Variants in EXOC4 observed in about 807,000 individuals in gnomAD.
EXOC4 encodes the protein SEC8-like 1.
EXOC4 carries 71 observed loss-of-function variants against 107.2 expected under a neutral mutation model. The observed-to-expected ratio is 0.66, with a 90% CI of 0.55 to 0.81. The LOEUF (loss-of-function observed/expected upper bound fraction) is 0.81, where lower values mean the gene tolerates loss of function less well. Ranked by LOEUF, EXOC4 falls within the 30% of genes least tolerant of loss-of-function variation. The probability of loss-of-function intolerance (pLI) is 0.00; values close to 1 mark genes in which losing one functional copy is unlikely to be tolerated. For missense variants in EXOC4, 1,108 were observed against 1,189.6 expected (o/e 0.93, Z 1.01); for synonymous variants, 456 against 441.2 (o/e 1.03, Z -0.42).
chr7:133,487,184 A>G (rs1799283955), intron 9 of EXOC4, among the ~76,000 whole-genome samples: 3 of 152,214 alleles, frequency 2.0e-5, no homozygotes, highest in African/African-American at 7.2e-5. Context: ...CAAAATAACC[A>G]TCACAAAGCC....
At chr7:133,658,088 T>C (rs930066866) in intron 10 of EXOC4, among the ~76,000 whole-genome samples, 2 of 152,078 alleles carry the variant, frequency 1.3e-5, no homozygotes, top group Non-Finnish European at 2.9e-5. Flanking sequence ...ATGTCTAAAC[T>C]GAGACCCTAG....
At chr7:133,679,100 C>T (rs2151066167) in intron 10 of EXOC4, among the ~76,000 whole-genome samples, 1 of 152,026 alleles carries the variant, frequency 6.6e-6, no homozygotes, top group South Asian at 2.1e-4. Context: ...AGGTCCTTGC[C>T]TTGGTGTGTT....
intron 9 of EXOC4, among the ~76,000 whole-genome samples, chr7:133,547,679 A>G (rs1176430736): frequency 1.3e-5 from 2 of 152,334 alleles, no homozygotes; most frequent in East Asian, 1.9e-4. Flanking sequence ...TTACATCTCA[A>G]GAAATCACTT....
At position 133,516,758 on chromosome 7, in the gene EXOC4, A is replaced by AT. The variant is rs780319592; in HGVS notation, c.1417+36634dup. Among the ~76,000 whole-genome samples the AT allele has an allele frequency of 1.2e-3, 59 of 49,032 alleles. 10 individuals are homozygous for AT. The highest frequency in any genetic ancestry group is 2.0e-3 in the Non-Finnish European group (52 of 25,538). The allele number at this position is 49,032 out of a possible 152,430, so 32.2% of individuals were successfully genotyped here. A position where few individuals can be genotyped will look rare whatever the true frequency, so the allele number is the denominator to read the frequency against. On this transcript the variant is annotated intron_variant, in intron 9 of 17. Transcript: ENST00000253861. Reference sequence around the variant, plus strand: ...TGGGAAACTGCCAAACTAGCTGCTCATTTTTTTTTTTTTTACAGAATTTAT... The same window carrying AT: ...TGGGAAACTGCCAAACTAGCTGCTCATTTTTTTTTTTTTTTACAGAATTTAT...
chr7:133,705,273 A>G (rs547263263), intron 10 of EXOC4, among the ~76,000 whole-genome samples: 69 of 152,296 alleles, frequency 4.5e-4, no homozygotes, highest in Non-Finnish European at 7.2e-4. Flanking sequence ...AGTCTAAGGC[A>G]GGAGAATCAC....
In EXOC4 at chr7:133,629,937, A is replaced by G. The variant is rs1257519121; in HGVS notation, c.1418-108A>G. 3 of 728,038 alleles carry G rather than the reference A, an allele frequency of 4.1e-6. No homozygotes were observed. In the Admixed American group the frequency reaches 6.8e-5, roughly 16 times the overall value. The allele number at this position is 728,038 out of a possible 1,614,324, so 45.1% of individuals were successfully genotyped here. A position where few individuals can be genotyped will look rare whatever the true frequency, so the allele number is the denominator to read the frequency against. On this transcript the variant is annotated intron_variant, in intron 9 of 17. Transcript: ENST00000253861. ...GTACATACCGAAGGTTACTGTTTGC[A>G]AAGATGGTCCTAATTATGACAGTAT...
chr7:133,604,831 C>A (rs1278990885), intron 9 of EXOC4, among the ~76,000 whole-genome samples: 2 of 144,674 alleles, frequency 1.4e-5, no homozygotes, highest in East Asian at 4.3e-4. Context: ...TTAAGTGTTT[C>A]TCCTGCCTCA....
At chr7:133,840,466 A>G (rs1798002572) in intron 11 of EXOC4, among the ~76,000 whole-genome samples, 3 of 149,426 alleles carry the variant, frequency 2.0e-5, no homozygotes, top group Admixed American at 2.0e-4. Flanking sequence ...GGGATAATGG[A>G]AAGTTTTATT....
intron 13 of EXOC4, among the ~76,000 whole-genome samples, chr7:133,923,570 A>G (rs1049031080): frequency 4.6e-5 from 7 of 152,106 alleles, no homozygotes; most frequent in Non-Finnish European, 8.8e-5. Flanking sequence ...CTTTTGTAAC[A>G]TATTTGTTCA....
intron 11 of EXOC4, among the ~76,000 whole-genome samples, chr7:133,874,220 T>G (rs1370502626): frequency 1.3e-5 from 2 of 152,238 alleles, no homozygotes; most frequent in African/African-American, 4.8e-5. Flanking sequence ...GTTAAAATTA[T>G]GTTTGGAGCC....
chr7:133,992,285 G>GT (rs60632686), intron 14 of EXOC4, among the ~76,000 whole-genome samples: 152,164 of 152,166 alleles, frequency 1, 76,081 homozygotes, highest in Non-Finnish European at 1. Flanking sequence ...TTTTTGTTTT[G>GT]TTTGTTTGTT....
At chr7:133,558,599 C>T (rs867209278) in intron 9 of EXOC4, among the ~76,000 whole-genome samples, 5 of 152,056 alleles carry the variant, frequency 3.3e-5, no homozygotes, top group East Asian at 1.9e-4. Flanking sequence ...AACAAATGTA[C>T]GTATTCTTCA....
intron 2 of EXOC4, among the ~76,000 whole-genome samples, chr7:133,287,124 A>G (rs1794297866): frequency 6.6e-6 from 1 of 151,940 alleles, no homozygotes; most frequent in African/African-American, 2.4e-5. Flanking sequence ...GCTAGCTTCC[A>G]CAGTTTTGTT....
chr7:133,917,703 G>A lies in EXOC4; in HGVS notation c.1992G>A (p.Leu664=). The change falls in exon 13 of 18, where the codon CTG becomes CTA. Residue 664 remains leucine (L), a synonymous_variant. Transcript: ENST00000253861. ...NWMNMAQPKQ[L]RPKREEEEDF... Reference sequence around the variant, plus strand: ...TGAATATGGCTCAACCCAAACAGCTGAGGCCAAAAAGAGAGGAGGAAGAAG... The same window carrying A: ...TGAATATGGCTCAACCCAAACAGCTAAGGCCAAAAAGAGAGGAGGAAGAAG... 6.2e-7 allele frequency: 1 copy of A among 1,613,910 alleles called. No homozygotes were observed. Among genetic ancestry groups the A allele is most frequent in the South Asian group, 1.1e-5 (1 of 91,050 alleles).
At chr7:134,066,117 T>C (rs1796172335), downstream of EXOC4, 1 of 152,108 alleles carries the variant, frequency 6.6e-6, no homozygotes, top group Non-Finnish European at 1.5e-5. Flanking sequence ...CCCTAAACGA[T>C]ATCATGAGAA....
chr7:134,082,958 A>T, the EXOC4 span, among the ~76,000 whole-genome samples: 1 of 152,222 alleles, frequency 6.6e-6, no homozygotes, highest in South Asian at 2.1e-4. Context: ...CACAGTTGCC[A>T]CACAGTTGAT....
intron 9 of EXOC4, among the ~76,000 whole-genome samples, chr7:133,526,977 A>T (rs1205024461): frequency 6.6e-6 from 1 of 152,114 alleles, no homozygotes; most frequent in Admixed American, 6.5e-5. Context: ...TCTCAAAAAC[A>T]AAAACAAAAA....
intron 2 of EXOC4, among the ~76,000 whole-genome samples, chr7:133,286,415 T>C (rs182203291): frequency 1.5e-3 from 226 of 152,348 alleles, no homozygotes; most frequent in Admixed American, 2.1e-3. Flanking sequence ...TCCTGCATAG[T>C]TTCTGTTCCC....
chr7:133,507,125 G>A (rs535979790), intron 9 of EXOC4, among the ~76,000 whole-genome samples: 1 of 152,126 alleles, frequency 6.6e-6, no homozygotes, highest in Non-Finnish European at 1.5e-5. Context: ...CATAAAGTAA[G>A]TAGATATTAC....
Sources: gnomAD v4.1 joint callset for allele counts (sites outside exome capture counted in the v4.1 genomes callset) on GRCh38, gnomAD v4.1.1 for gene constraint, MANE v1.5 for transcripts, NCBI Gene and HGNC (gene_info 2026-07-23, HGNC 2026-07-21) for gene names.